MYBPC1: variants seen among roughly 807,000 people sequenced by gnomAD.
MYBPC1 encodes the protein myosin binding protein C1.
In MYBPC1, 52 loss-of-function variants were observed where a neutral mutation model predicts 147.1. That is an observed-to-expected ratio of 0.35 (90% CI 0.28 to 0.45). The LOEUF is 0.45. Ranked by LOEUF, MYBPC1 falls within the 20% of genes least tolerant of loss-of-function variation. The pLI, the probability that MYBPC1 is intolerant of heterozygous loss-of-function variation, is 1.00. For missense variants in MYBPC1, 1,228 were observed against 1,440.3 expected (o/e 0.85, Z 2.39); for synonymous variants, 477 against 475.9 (o/e 1.00, Z -0.03).
At chr12:101,644,561 A>AT (rs1331484848) in intron 11 of MYBPC1, 103 bp from the exon 12 acceptor site, 1 of 1,121,240 alleles carries the variant, frequency 8.9e-7, no homozygotes, top group African/African-American at 1.6e-5. Context: ...CTTGAGATTC[A>AT]TTTTTTCATT....
chr12:101,647,576 GAAAACAAAACAAAAC>G (rs76794158), intron 13 of MYBPC1, among the ~76,000 whole-genome samples: 2 of 151,798 alleles, frequency 1.3e-5, no homozygotes, highest in Admixed American at 6.6e-5. Flanking sequence ...AACAGACATA[GAAAACAAAACAAAAC>G]AAAACAAAAC....
chr12:101,646,990 C>T (rs2136235203), intron 13 of MYBPC1, 103 bp downstream of exon 13: 2 of 1,432,800 alleles, frequency 1.4e-6, no homozygotes, highest in Non-Finnish European at 2.0e-6. Flanking sequence ...ACACTGGCAG[C>T]TATTATGGAT....
At chr12:101,623,485 T>G (rs191713554) in intron 3 of MYBPC1, among the ~76,000 whole-genome samples, 3 of 152,366 alleles carry the variant, frequency 2.0e-5, no homozygotes, top group Non-Finnish European at 4.4e-5. Flanking sequence ...CATTTTAGTT[T>G]CATGAAAGTA....
chr12:101,626,013 G>A (rs910371469), intron 3 of MYBPC1, among the ~76,000 whole-genome samples: 10 of 150,064 alleles, frequency 6.7e-5, no homozygotes, highest in Non-Finnish European at 8.9e-5. Flanking sequence ...GCTTGAACCC[G>A]GGAGGCGGAG....
chr12:101,617,372 T>C (rs1300183826), intron 3 of MYBPC1, 129 bp downstream of exon 3: 2 of 933,764 alleles, frequency 2.1e-6, no homozygotes, highest in Non-Finnish European at 3.4e-6. Context: ...TTGCATCTTA[T>C]CTGCAAGTCC....
downstream of MYBPC1, among the ~76,000 whole-genome samples, chr12:101,690,129 C>G (rs1260215265): frequency 1.3e-5 from 2 of 152,066 alleles, no homozygotes; most frequent in South Asian, 4.1e-4. Flanking sequence ...GAGCCAAGAT[C>G]GTGCCATTGC....
chr12:101,686,254 A>G (rs976599465), downstream of MYBPC1, among the ~76,000 whole-genome samples: 1 of 152,238 alleles, frequency 6.6e-6, no homozygotes, highest in Admixed American at 6.5e-5. Context: ...ATGATACAAT[A>G]TGCATTCATG....
intron 10 of MYBPC1, among the ~76,000 whole-genome samples, 199 bp from the exon 11 acceptor site, chr12:101,642,220 A>C (rs1392890024): frequency 6.6e-6 from 1 of 152,256 alleles, no homozygotes; most frequent in Non-Finnish European, 1.5e-5. Context: ...ATAAGGGCAC[A>C]CATTTGATCT....
chr12:101,669,746 G>T (rs1477111060), intron 23 of MYBPC1, among the ~76,000 whole-genome samples: 1 of 152,044 alleles, frequency 6.6e-6, no homozygotes, highest in Non-Finnish European at 1.5e-5. Context: ...AGACTAGCCT[G>T]GCCAACATGG....
chr12:101,617,271 T>C (rs1331999791), intron 3 of MYBPC1, 28 bp downstream of exon 3: 1 of 1,611,658 alleles, frequency 6.2e-7, no homozygotes. Flanking sequence ...AGAGTGAGGC[T>C]GAAGTCAACA....
chr12:101,633,504 T>C (rs774673043), intron 8 of MYBPC1, among the ~76,000 whole-genome samples: 18 of 151,864 alleles, frequency 1.2e-4, no homozygotes, highest in Non-Finnish European at 2.2e-4. Context: ...CTGGCCAACA[T>C]GGTGAAACCC....
intron 10 of MYBPC1, among the ~76,000 whole-genome samples, chr12:101,637,348 C>A (rs1360648103): frequency 1.3e-5 from 2 of 151,390 alleles, no homozygotes; most frequent in African/African-American, 4.8e-5. Flanking sequence ...TTCTCTCCTG[C>A]AATAAAATTT....
chr12:101,629,246 C>A (rs1889289490), intron 5 of MYBPC1, 188 bp from the exon 6 acceptor site: 1 of 626,160 alleles, frequency 1.6e-6, no homozygotes, highest in Non-Finnish European at 2.9e-6. Context: ...GAAGAGATAC[C>A]CCTGTAAGAA....
intron 3 of MYBPC1, among the ~76,000 whole-genome samples, chr12:101,626,088 C>CAAA (rs769008600): frequency 0.025 from 1,376 of 55,028 alleles, 58 homozygotes; most frequent in African/African-American, 0.068. Flanking sequence ...AACTCTGTCT[C>CAAA]AAAAAAAAAA....
chr12:101,615,399 C>G (rs1366766961), intron 2 of MYBPC1, among the ~76,000 whole-genome samples: 1 of 152,074 alleles, frequency 6.6e-6, no homozygotes, highest in Non-Finnish European at 1.5e-5. Context: ...TGGCATCCCA[C>G]TCAATAATTA....
chr12:101,659,851 G>A lies in MYBPC1; in HGVS notation c.1927+20G>A, dbSNP rs771135592. ...TTGTGGGTAAGTCCTCCAGGTAAACGCACTTCTAGAATCAAGCTGACATGT... is the reference window on the plus strand; with the variant it reads ...TTGTGGGTAAGTCCTCCAGGTAAACACACTTCTAGAATCAAGCTGACATGT... On this transcript the variant is annotated intron_variant, in intron 19 of 31. Transcript: ENST00000361466. The A allele has an allele frequency of 5.0e-6, 8 of 1,613,498 alleles. No homozygotes were observed. The highest frequency in any genetic ancestry group is 4.0e-5 in the African/African-American group (3 of 74,846).
Position 101,678,187 on chromosome 12 carries a change from C to T in MYBPC1, c.3195C>T (p.Ala1065=), listed in dbSNP as rs2136819389. ...MFTQPLVNTY[A]IAGYNATLNC... is the part of the protein sequence containing the mutation. ...CTCAGCCTTTGGTTAACACCTATGC[C>T]ATAGCTGGTTACAATGCCACCCTAA... Residue 1065 remains alanine (A), a synonymous_variant, in exon 28 of 32, where the codon GCC becomes GCT. Coordinates refer to ENST00000361466, the MANE Select transcript of MYBPC1 (RefSeq NM_002465.4). 1.9e-6 allele frequency: 3 copies of T among 1,614,120 alleles called. No individual in the cohort carries two copies. The highest frequency in any genetic ancestry group is 2.5e-6 in the Non-Finnish European group (3 of 1,179,966).
chr12:101,606,235 C>A (rs1001527205), intron 1 of MYBPC1, among the ~76,000 whole-genome samples: 20 of 151,288 alleles, frequency 1.3e-4, no homozygotes, highest in African/African-American at 4.4e-4. Context: ...CACACACACA[C>A]AAGAATGCAC....
At position 101,601,006 on chromosome 12, in the gene MYBPC1, T is replaced by C. The variant is rs138488383; in HGVS notation, c.25+5911T>C. 3.9e-3 allele frequency among the ~76,000 whole-genome samples: 600 copies of C among 152,308 alleles called. 5 individuals are homozygous for C. The highest frequency in any genetic ancestry group is 0.014 in the African/African-American group (580 of 41,564). ...GGAATCCATGGTTTGTTCAAAGTAC[T>C]GCATCCTGGGGAAACTGAATAAATA... On this transcript the variant is annotated intron_variant, in intron 1 of 31. Transcript: ENST00000361466.
Sources: allele counts gnomAD v4.1 joint callset (sites outside exome capture counted in the v4.1 genomes callset), GRCh38; gene constraint gnomAD v4.1.1; transcripts MANE v1.5; gene names NCBI Gene and HGNC (gene_info 2026-07-23, HGNC 2026-07-21).